The following CORO7 variants were observed in gnomAD, a reference collection of about 807,000 sequenced individuals.
The protein encoded by CORO7 is coronin-7.
In CORO7, 107 loss-of-function variants were observed where a neutral mutation model predicts 126.6. The ratio of observed to expected loss-of-function variants is 0.85; its 90% CI spans 0.72 to 0.99. The LOEUF (loss-of-function observed/expected upper bound fraction) is 0.99, where lower values mean the gene tolerates loss of function less well. Ranked by LOEUF, CORO7 falls within the 50% of genes least tolerant of loss-of-function variation. CORO7 has a pLI of 0.00. For synonymous variants in CORO7, 603 were observed against 536.8 expected, an observed-to-expected ratio of 1.12 and a Z score of -1.70; for missense variants, 1,314 against 1,255.8, an observed-to-expected ratio of 1.05 and a Z score of -0.70.
chr16:4,380,768 T>C (rs1000120584), intron 9 of CORO7: 9 of 1,292,110 alleles, frequency 7.0e-6, no homozygotes, highest in Non-Finnish European at 8.2e-6. Context: ...CTCTTGCATT[T>C]GGGGGCAGAA....
rs186927216 is a variant in CORO7 at position 4,388,459 on chromosome 16, C to G, written c.702+86G>C. On this transcript the variant is annotated intron_variant, in intron 8 of 27. Transcript: ENST00000251166. ...GGCCTGGAACTGGCCCTCAGTCCCC[C>G]GCCTCCCATTGGTTTCGTCCCCGCC... 3,039 of 1,449,148 alleles carry G rather than the reference C, an allele frequency of 2.1e-3. 56 individuals carry two copies. The African/African-American group carries it at 0.038, about 18-fold the overall frequency. 89.8% of individuals were successfully genotyped at this position (1,449,148 alleles called of 1,614,324 possible).
intron 10 of CORO7, 110 bp downstream of exon 10, chr16:4,365,381 C>A: frequency 6.8e-7 from 1 of 1,468,860 alleles, no homozygotes; most frequent in Middle Eastern, 1.7e-4. Flanking sequence ...ACCTTGGCTG[C>A]ACAGGGGAAG....
At chr16:4,395,153 C>G (rs1359338659) in intron 7 of CORO7, 136 bp downstream of exon 7, 1 of 1,257,202 alleles carries the variant, frequency 8.0e-7, no homozygotes, top group Non-Finnish European at 1.1e-6. Context: ...TGGTGGTCCA[C>G]CTCCTGGGGA....
rs769764441 is a variant in CORO7, at chr16:4,381,661, G to A, written c.785+6325C>T. Reference sequence around the variant, plus strand: ...CCAGCTGCGGCCCGAGGACCTGGCCGGCCTGGCTGCCCTGCAGGAGCTGGA... The same window carrying A: ...CCAGCTGCGGCCCGAGGACCTGGCCAGCCTGGCTGCCCTGCAGGAGCTGGA... On this transcript the variant is annotated intron_variant, in intron 9 of 27. Coordinates refer to ENST00000251166, the MANE Select transcript of CORO7 (RefSeq NM_024535.5). The A allele has an allele frequency of 2.4e-5, 39 of 1,603,796 alleles. No homozygotes were observed. The Admixed American group carries it at 4.1e-4, about 17-fold the overall frequency.
In CORO7 at chr16:4,361,965, T is replaced by C. The variant is rs138409506; in HGVS notation, c.1578+20A>G. ...CAGGCAGGGAACTGAGGGGCAGCCC[T>C]GGTGGGGTGGGGCCCTCACCTCAAG... is the stretch of plus-strand genomic sequence containing the variant. On this transcript the variant is annotated intron_variant, in intron 16 of 27. Coordinates refer to ENST00000251166, the MANE Select transcript of CORO7 (RefSeq NM_024535.5). 7.6e-5 allele frequency: 120 copies of C among 1,588,500 alleles called. No homozygotes were observed. In the African/African-American group the frequency reaches 1.3e-3, roughly 18 times the overall value.
At chr16:4,370,834 C>G (rs576406616) in intron 9 of CORO7, among the ~76,000 whole-genome samples, 8 of 152,354 alleles carry the variant, frequency 5.3e-5, no homozygotes, top group African/African-American at 1.9e-4. Flanking sequence ...AAGACTAGAG[C>G]TAGCCCAGCC....
rs559159623 is a variant in CORO7, at chr16:4,356,729, G to A, written c.2685+439C>T. 4.9e-5 allele frequency: 10 copies of A among 203,430 alleles called. No individual in the cohort carries two copies. In the East Asian group the frequency reaches 9.7e-4, roughly 20 times the overall value. The allele number at this position is 203,430 out of a possible 1,614,324, so 12.6% of individuals were successfully genotyped here. A position where few individuals can be genotyped will look rare whatever the true frequency, so the allele number is the denominator to read the frequency against. On this transcript the variant is annotated intron_variant, in intron 26 of 27. Transcript: ENST00000251166. ...ATTACAGACATGAACCACCGTGCCC[G>A]GCCTCAAAAGAGCCATTTTAATTAC...
chr16:4,381,628 C>T (rs751738779), intron 9 of CORO7: 21 of 1,598,914 alleles, frequency 1.3e-5, no homozygotes, highest in African/African-American at 8.0e-5. Context: ...CGGCAACACC[C>T]GCATTGCCCA....
Position 4,364,825 on chromosome 16 carries a change from G to T in CORO7, c.994C>A (p.Gln332Lys). Reference sequence around the variant, plus strand: ...GGCACGATGGCTGTGTCGCTCAGCTGTAGGACGCGGAGTACCTCGCAGCTC... The same window carrying T: ...GGCACGATGGCTGTGTCGCTCAGCTTTAGGACGCGGAGTACCTCGCAGCTC... The part of the protein sequence containing the change: ...VMSCEVLRVL[Q>K]LSDTAIVPIG... Residue 332 changes from glutamine (Q) to lysine (K), a missense_variant, in exon 12 of 28, where the codon CAG becomes AAG. Coordinates refer to ENST00000251166, the MANE Select transcript of CORO7 (RefSeq NM_024535.5). The T allele has an allele frequency of 6.2e-7, 1 of 1,612,218 alleles. No individual in the cohort carries two copies. Among genetic ancestry groups the T allele is most frequent in the South Asian group, 1.1e-5 (1 of 91,008 alleles).
At chr16:4,412,498 C>T in intron 2 of CORO7, 68 bp from the exon 3 acceptor site, 3 of 1,555,546 alleles carry the variant, frequency 1.9e-6, no homozygotes, top group East Asian at 4.5e-5. Flanking sequence ...GCCCAGGGAT[C>T]CCAGAGATGA....
At chr16:4,366,616 A>G (rs2141202802) in intron 9 of CORO7, among the ~76,000 whole-genome samples, 1 of 140,038 alleles carries the variant, frequency 7.1e-6, no homozygotes, top group East Asian at 2.0e-4. Flanking sequence ...ATCATTGCTC[A>G]CTGCAGCCTC....
chr16:4,401,274 G>T (rs1489840906), intron 6 of CORO7, among the ~76,000 whole-genome samples: 3 of 152,242 alleles, frequency 2.0e-5, no homozygotes, highest in Non-Finnish European at 4.4e-5. Context: ...GGCGTTGGGG[G>T]AGGAGAGGCC....
rs1370446090 is a variant in CORO7, at chr16:4,355,367, C to T, written c.2691G>A (p.Leu897=). ...KSDQQKKEEL[L]NAMVAKLGNR... is the part of the protein sequence containing the mutation. ...TCCCCAGTTTTGCCACCATGGCATT[C>T]AGCAGCTGGGAGAGAGGGCAGAAGA... Residue 897 remains leucine (L), a synonymous_variant, in exon 27 of 28, where the codon CTG becomes CTA. Transcript: ENST00000251166. The T allele has an allele frequency of 1.9e-6, 3 of 1,610,242 alleles. No homozygotes were observed. The highest frequency in any genetic ancestry group is 1.7e-6 in the Non-Finnish European group (2 of 1,179,608).
intron 23 of CORO7, 62 bp from the exon 24 acceptor site, chr16:4,358,545 T>A: frequency 6.7e-7 from 1 of 1,492,044 alleles, no homozygotes; most frequent in Non-Finnish European, 9.0e-7. Context: ...GGGCACGTAG[T>A]CTCCCCAGGG....
chr16:4,394,918 C>A (rs2055529194), intron 7 of CORO7, among the ~76,000 whole-genome samples: 2 of 152,246 alleles, frequency 1.3e-5, no homozygotes, highest in Non-Finnish European at 2.9e-5. Context: ...GGTCTTCCTG[C>A]AGAGGACAGG....
At chr16:4,395,115 C>T (rs571287251) in intron 7 of CORO7, among the ~76,000 whole-genome samples, 174 bp downstream of exon 7, 1 of 152,334 alleles carries the variant, frequency 6.6e-6, no homozygotes, top group East Asian at 1.9e-4. Context: ...GGACCCACAA[C>T]ACACTTCACA....
chr16:4,400,833 T>TAATAATAATA (rs56324455), intron 6 of CORO7, among the ~76,000 whole-genome samples: 1 of 150,352 alleles, frequency 6.7e-6, no homozygotes, highest in Admixed American at 6.7e-5. Context: ...ATAATAATAA[T>TAATAATAATA]GTTTACCATT....
chr16:4,381,603 G>A (rs1483772559), intron 9 of CORO7: 10 of 1,599,072 alleles, frequency 6.3e-6, no homozygotes, highest in Admixed American at 1.7e-5. Context: ...GGGGCCTGAC[G>A]CGCCTGCGGC....
intron 23 of CORO7, chr16:4,358,708 C>T (rs571308678): frequency 2.3e-6 from 1 of 431,964 alleles, no homozygotes; most frequent in East Asian, 3.6e-5. Context: ...CCATGGGCAG[C>T]TTCTACGTGC....
Sources: allele counts gnomAD v4.1 joint callset (sites outside exome capture counted in the v4.1 genomes callset), GRCh38; gene constraint gnomAD v4.1.1; transcripts MANE v1.5; gene names NCBI Gene and HGNC (gene_info 2026-07-23, HGNC 2026-07-21).